SH3BGRL2: variants seen among roughly 807,000 people sequenced by gnomAD.
SH3BGRL2 encodes SH3 domain binding glutamate rich protein like 2.
Under a neutral mutation model 14.8 loss-of-function variants are expected in SH3BGRL2, and 21 were observed. That is an observed-to-expected ratio of 1.42 (90% CI 1.01 to 2.05). The LOEUF (loss-of-function observed/expected upper bound fraction) is 2.05. Among genes scored for constraint, SH3BGRL2 ranks in the 30% most tolerant of loss-of-function variants. The probability of loss-of-function intolerance (pLI) is 0.00; values close to 1 mark genes in which losing one functional copy is unlikely to be tolerated. For synonymous variants in SH3BGRL2, 50 were observed against 47.8 expected, an observed-to-expected ratio of 1.05 and a Z score of -0.19; for missense variants, 147 against 130.8, an observed-to-expected ratio of 1.12 and a Z score of -0.61.
At chr6:79,643,274 T>C (rs1471613988) in intron 1 of SH3BGRL2, among the ~76,000 whole-genome samples, 1 of 152,154 alleles carries the variant, frequency 6.6e-6, no homozygotes, top group Non-Finnish European at 1.5e-5. Flanking sequence ...CTGGTACTTT[T>C]TATATTGCCC....
intron 1 of SH3BGRL2, among the ~76,000 whole-genome samples, chr6:79,671,495 G>A (rs148783986): frequency 6.6e-6 from 1 of 152,276 alleles, no homozygotes; most frequent in East Asian, 1.9e-4. Context: ...AGCAGTGACT[G>A]TTGGCCCACA....
the SH3BGRL2 span, among the ~76,000 whole-genome samples, chr6:79,571,454 A>G: frequency 1.3e-5 from 2 of 152,206 alleles, no homozygotes; most frequent in East Asian, 3.8e-4. Context: ...ACCACTGACA[A>G]ATAACCTAGA....
chr6:79,599,372 CTTT>C, the SH3BGRL2 span, among the ~76,000 whole-genome samples: 19 of 133,490 alleles, frequency 1.4e-4, no homozygotes, highest in Admixed American at 3.1e-4. Flanking sequence ...TATAACAGAT[CTTT>C]TTTTTTTTTT....
chr6:79,699,398 G>A, intron 3 of SH3BGRL2, 100 bp from the exon 4 acceptor site: 2 of 1,311,864 alleles, frequency 1.5e-6, no homozygotes, highest in Non-Finnish European at 1.0e-6. Flanking sequence ...CAACATCTCT[G>A]TTCCTGACAT....
intron 1 of SH3BGRL2, among the ~76,000 whole-genome samples, chr6:79,656,349 G>A (rs1246079098): frequency 2.0e-5 from 3 of 152,200 alleles, no homozygotes; most frequent in East Asian, 1.9e-4. Flanking sequence ...TGGTGCCATC[G>A]CTAAGATCTT....
At chr6:79,671,475 C>T (rs1244614702) in intron 1 of SH3BGRL2, among the ~76,000 whole-genome samples, 1 of 152,106 alleles carries the variant, frequency 6.6e-6, no homozygotes, top group African/African-American at 2.4e-5. Flanking sequence ...AAAAAAATGA[C>T]ATAGGTGAAA....
chr6:79,603,944 A>G, the SH3BGRL2 span, among the ~76,000 whole-genome samples: 8 of 152,132 alleles, frequency 5.3e-5, no homozygotes, highest in African/African-American at 1.9e-4. Context: ...AGCTGGGATT[A>G]CAGGTGCGCG....
upstream of SH3BGRL2, among the ~76,000 whole-genome samples, chr6:79,629,324 C>A (rs920047703): frequency 6.6e-6 from 1 of 152,130 alleles, no homozygotes; most frequent in Non-Finnish European, 1.5e-5. Context: ...TTCCCAGTTC[C>A]AATTCTGAAT....
At chr6:79,667,603 C>G (rs984366269) in intron 1 of SH3BGRL2, among the ~76,000 whole-genome samples, 20 of 152,046 alleles carry the variant, frequency 1.3e-4, no homozygotes, top group Non-Finnish European at 2.9e-5. Flanking sequence ...CATGCCATGA[C>G]AGCCAGCTAA....
At chr6:79,544,739 A>G in the SH3BGRL2 span, among the ~76,000 whole-genome samples, 2 of 152,166 alleles carry the variant, frequency 1.3e-5, no homozygotes, top group Non-Finnish European at 2.9e-5. Context: ...ACAACACCTA[A>G]AATAGCAATT....
chr6:79,655,758 A>G (rs1377249151), intron 1 of SH3BGRL2, among the ~76,000 whole-genome samples: 2 of 152,212 alleles, frequency 1.3e-5, no homozygotes, highest in African/African-American at 4.8e-5. Flanking sequence ...TACATGTATC[A>G]GTACTTCATT....
chr6:79,624,277 C>CAT, the SH3BGRL2 span, among the ~76,000 whole-genome samples: 2 of 149,374 alleles, frequency 1.3e-5, no homozygotes, highest in South Asian at 2.1e-4. Context: ...TATAGTATAT[C>CAT]ATATATATAT....
intron 3 of SH3BGRL2, among the ~76,000 whole-genome samples, chr6:79,698,998 CA>C (rs1409530742): frequency 6.6e-6 from 1 of 151,728 alleles, no homozygotes; most frequent in African/African-American, 2.4e-5. Context: ...GCTGACTGGC[CA>C]GAGCTTGAGC....
the SH3BGRL2 span, among the ~76,000 whole-genome samples, chr6:79,542,423 C>T: frequency 3.9e-5 from 6 of 152,220 alleles, no homozygotes; most frequent in African/African-American, 1.4e-4. Flanking sequence ...GCATGCACCA[C>T]CACACCCAGC....
At chr6:79,549,452 G>T in the SH3BGRL2 span, among the ~76,000 whole-genome samples, 1 of 152,114 alleles carries the variant, frequency 6.6e-6, no homozygotes, top group African/African-American at 2.4e-5. Context: ...TAATGGAGGT[G>T]TACCATTTTT....
At chr6:79,623,389 A>AT in the SH3BGRL2 span, among the ~76,000 whole-genome samples, 1 of 152,098 alleles carries the variant, frequency 6.6e-6, no homozygotes, top group Non-Finnish European at 1.5e-5. Flanking sequence ...TTGTTTCGTC[A>AT]TAAACTTCAT....
At chr6:79,567,081 G>GT in the SH3BGRL2 span, among the ~76,000 whole-genome samples, 7 of 152,068 alleles carry the variant, frequency 4.6e-5, no homozygotes, top group African/African-American at 1.7e-4. Flanking sequence ...AATGTTTCAT[G>GT]TTTTTTAAGC....
At chr6:79,649,983 T>TCACACACACACACA (rs370228264) in intron 1 of SH3BGRL2, among the ~76,000 whole-genome samples, 21 of 132,344 alleles carry the variant, frequency 1.6e-4, no homozygotes, top group East Asian at 4.9e-4. Flanking sequence ...TCTCTCTCTC[T>TCACACACACACACA]CTCACACACA....
At chr6:79,610,686 A>T in the SH3BGRL2 span, among the ~76,000 whole-genome samples, 6 of 152,224 alleles carry the variant, frequency 3.9e-5, no homozygotes, top group African/African-American at 1.4e-4. Context: ...CGACATTCAC[A>T]TTTAGGATCA....
Sources: gnomAD v4.1 joint callset for allele counts (sites outside exome capture counted in the v4.1 genomes callset) on GRCh38, gnomAD v4.1.1 for gene constraint, MANE v1.5 for transcripts, NCBI Gene and HGNC (gene_info 2026-07-23, HGNC 2026-07-21) for gene names.